Variants in SHTN1 observed in about 807,000 individuals in gnomAD.
SHTN1 encodes shootin-1.
SHTN1 carries 42 observed loss-of-function variants against 83.1 expected under a neutral mutation model. The ratio of observed to expected loss-of-function variants is 0.51; its 90% CI spans 0.39 to 0.65. The LOEUF (loss-of-function observed/expected upper bound fraction) is 0.65, where lower values mean the gene tolerates loss of function less well. Ranked by LOEUF, SHTN1 falls within the 30% of genes least tolerant of loss-of-function variation. The probability of loss-of-function intolerance (pLI) is 0.00; values close to 1 mark genes in which losing one functional copy is unlikely to be tolerated. For missense variants in SHTN1, 622 were observed against 737.8 expected (o/e 0.84, Z 1.82); for synonymous variants, 224 against 247.7 (o/e 0.90, Z 0.90).
intron 5 of SHTN1, among the ~76,000 whole-genome samples, chr10:116,953,618 G>GTTTTTTTTTTT (rs1413652753): frequency 1.2e-5 from 1 of 82,002 alleles, no homozygotes; most frequent in African/African-American, 3.4e-5. Context: ...TCAGTTTTGT[G>GTTTTTTTTTTT]TTTTGTTTTT....
At chr10:116,950,054 G>T (rs1564892879) in intron 6 of SHTN1, among the ~76,000 whole-genome samples, 1 of 152,152 alleles carries the variant, frequency 6.6e-6, no homozygotes, top group Non-Finnish European at 1.5e-5. Context: ...GTTGTTTAGG[G>T]AAACTGGGCA....
intron 16 of SHTN1, among the ~76,000 whole-genome samples, chr10:116,899,444 A>C (rs1258281449): frequency 6.6e-6 from 1 of 151,524 alleles, no homozygotes; most frequent in Non-Finnish European, 1.5e-5. Flanking sequence ...GCCTAGGGTG[A>C]AGTGGTACTG....
intron 13 of SHTN1, among the ~76,000 whole-genome samples, chr10:116,913,077 C>T (rs909167910): frequency 2.0e-5 from 3 of 152,192 alleles, no homozygotes; most frequent in South Asian, 2.1e-4. Flanking sequence ...ACCACCACTA[C>T]CACCAAGGAA....
At chr10:117,038,840 T>C (rs1371131601) in intron 2 of SHTN1, among the ~76,000 whole-genome samples, 1 of 152,204 alleles carries the variant, frequency 6.6e-6, no homozygotes, top group East Asian at 1.9e-4. Flanking sequence ...ACACTGACGA[T>C]ACCAAATGCT....
In SHTN1 at chr10:116,881,637, G is replaced by T. The variant is rs1412378160; in HGVS notation, c.*4707C>A. The T allele has an allele frequency of 6.5e-7, 1 of 1,548,654 alleles. No homozygotes were observed. The highest frequency in any genetic ancestry group is 1.2e-5 in the South Asian group (1 of 83,536). ...CACCTTCCCCACACAAGGTGTAGAG[G>T]AATCAGCCGAAACAGGAGCATCCTC... On this transcript the variant is annotated 3_prime_UTR_variant, in exon 17 of 17. Coordinates refer to ENST00000355371, the MANE Select transcript of SHTN1 (RefSeq NM_001127211.3).
rs953686669 is a variant in SHTN1, at chr10:117,112,074, T to G, written c.-189+14233A>C. The stretch of plus-strand genomic sequence containing the variant: ...TCTGCCTCCCGGATTCAAGCAATCC[T>G]CCTGCTTCAGCCTCCCAAGTAGCTG... On this transcript the variant is annotated intron_variant, in intron 1 of 17. Coordinates refer to the SHTN1 transcript ENST00000392901. 2.0e-5 allele frequency among the ~76,000 whole-genome samples: 3 copies of G among 152,180 alleles called. No homozygotes were observed. In the South Asian group the frequency reaches 6.2e-4, roughly 32 times the overall value.
chr10:116,928,320 C>T (rs550458260), intron 10 of SHTN1, among the ~76,000 whole-genome samples: 2 of 152,172 alleles, frequency 1.3e-5, no homozygotes, highest in South Asian at 2.1e-4. Context: ...TACTTCTCTC[C>T]CCTGCTTAAT....
At chr10:117,109,674 C>A (rs1468595189) in intron 1 of SHTN1, among the ~76,000 whole-genome samples, 4 of 136,006 alleles carry the variant, frequency 2.9e-5, no homozygotes, top group Admixed American at 8.5e-5. Flanking sequence ...AAGCAATTAT[C>A]CTGTCTCAGC....
At chr10:117,030,572 A>G (rs1358643526) in intron 2 of SHTN1, among the ~76,000 whole-genome samples, 5 of 152,140 alleles carry the variant, frequency 3.3e-5, no homozygotes, top group Non-Finnish European at 5.9e-5. Flanking sequence ...AGAATCCAAA[A>G]TAGCCATTTT....
intron 1 of SHTN1, among the ~76,000 whole-genome samples, chr10:117,062,090 C>A (rs1898344): frequency 0.95 from 143,910 of 152,284 alleles, 68,545 homozygotes; most frequent in East Asian, 1. Context: ...TTTCCCTTCC[C>A]GTCACTGTGG....
chr10:117,091,696 T>C (rs1393777413), intron 1 of SHTN1, among the ~76,000 whole-genome samples: 1 of 152,238 alleles, frequency 6.6e-6, no homozygotes, highest in East Asian at 1.9e-4. Context: ...TTCTCCAGTA[T>C]GCATTTGCTC....
At chr10:117,125,345 G>A (rs1332723649) in intron 1 of SHTN1, among the ~76,000 whole-genome samples, 1 of 152,080 alleles carries the variant, frequency 6.6e-6, no homozygotes, top group Admixed American at 6.5e-5. Context: ...AACAAATGTT[G>A]GCATTAATGT....
chr10:116,960,067 A>C, intron 4 of SHTN1, 69 bp downstream of exon 4: 1 of 878,566 alleles, frequency 1.1e-6, no homozygotes, highest in Non-Finnish European at 1.9e-6. Context: ...AACCAGATAG[A>C]AGCCACTGCT....
chr10:116,949,984 T>C (rs1466067157), intron 6 of SHTN1, among the ~76,000 whole-genome samples: 6 of 152,204 alleles, frequency 3.9e-5, no homozygotes, highest in Non-Finnish European at 8.8e-5. Context: ...AAATACTATG[T>C]ATTGTAGTGA....
At chr10:117,106,546 C>T (rs866835793) in intron 1 of SHTN1, among the ~76,000 whole-genome samples, 1 of 152,188 alleles carries the variant, frequency 6.6e-6, no homozygotes, top group Non-Finnish European at 1.5e-5. Flanking sequence ...ATCCCTAGGA[C>T]TCCAACTTGT....
At chr10:116,995,396 G>A (rs1851592975) in intron 1 of SHTN1, among the ~76,000 whole-genome samples, 1 of 152,150 alleles carries the variant, frequency 6.6e-6, no homozygotes, top group Non-Finnish European at 1.5e-5. Flanking sequence ...GGACTAACAT[G>A]ATGAGGGACT....
At chr10:116,890,601 CCAAAAAG>C (rs1484962585) in intron 16 of SHTN1, among the ~76,000 whole-genome samples, 1 of 152,160 alleles carries the variant, frequency 6.6e-6, no homozygotes, top group Non-Finnish European at 1.5e-5. Context: ...AAACCAAAAA[CCAAAAAG>C]CAAAATAAAA....
intron 15 of SHTN1, among the ~76,000 whole-genome samples, chr10:116,902,275 T>C (rs957754951): frequency 3.3e-5 from 5 of 149,574 alleles, no homozygotes; most frequent in African/African-American, 1.2e-4. Flanking sequence ...TCATAGAGTA[T>C]GGCTTTCTGA....
chr10:117,014,591 A>C (rs190629335), intron 2 of SHTN1, among the ~76,000 whole-genome samples: 41 of 152,304 alleles, frequency 2.7e-4, no homozygotes, highest in African/African-American at 9.6e-4. Flanking sequence ...TAAATAAGTA[A>C]ATCAACTGTA....
Sources: allele counts gnomAD v4.1 joint callset (sites outside exome capture counted in the v4.1 genomes callset), GRCh38; gene constraint gnomAD v4.1.1; transcripts MANE v1.5; gene names NCBI Gene and HGNC (gene_info 2026-07-23, HGNC 2026-07-21).